PARD3: variants seen among roughly 807,000 people sequenced by gnomAD.
The protein encoded by PARD3 is par-3 family cell polarity regulator, also known as partitioning defective 3 homolog.
A neutral mutation model predicts 155.4 loss-of-function variants in PARD3; 75 were observed. The observed-to-expected ratio is 0.48, with a 90% CI of 0.40 to 0.58. The LOEUF (loss-of-function observed/expected upper bound fraction) is 0.58, where lower values mean the gene tolerates loss of function less well. Among genes scored for constraint, PARD3 ranks in the 20% least tolerant of loss-of-function variants. The probability of loss-of-function intolerance (pLI) is 0.00; values close to 1 mark genes in which losing one functional copy is unlikely to be tolerated. For synonymous variants in PARD3, 576 were observed against 610.5 expected, an observed-to-expected ratio of 0.94 and a Z score of 0.83; for missense variants, 1,642 against 1,721.7, an observed-to-expected ratio of 0.95 and a Z score of 0.82.
intron 1 of PARD3, among the ~76,000 whole-genome samples, chr10:34,718,147 CTCAAA>C (rs2094549012): frequency 1.0e-5 from 1 of 98,152 alleles, no homozygotes; most frequent in East Asian, 2.6e-4. Context: ...GAGACTCCAT[CTCAAA>C]AAAAAAAAAA....
chr10:34,385,399 G>A (rs1229273494), intron 7 of PARD3, among the ~76,000 whole-genome samples: 2 of 152,134 alleles, frequency 1.3e-5, no homozygotes, highest in Admixed American at 1.3e-4. Flanking sequence ...GCCTCCCAAA[G>A]TGCTGGGATT....
chr10:34,490,384 A>G (rs2079814356), intron 3 of PARD3, among the ~76,000 whole-genome samples: 1 of 151,902 alleles, frequency 6.6e-6, no homozygotes, highest in Admixed American at 6.5e-5. Flanking sequence ...AAGGAAGGGC[A>G]CATTACAGAG....
intron 19 of PARD3, among the ~76,000 whole-genome samples, chr10:34,328,573 G>A (rs74134103): frequency 0.021 from 3,212 of 152,270 alleles, 132 homozygotes; most frequent in African/African-American, 0.073. Flanking sequence ...GGGGGAAGGT[G>A]ACACTGGTGG....
At chr10:34,785,554 T>C (rs1001361970) in intron 1 of PARD3, among the ~76,000 whole-genome samples, 3 of 152,044 alleles carry the variant, frequency 2.0e-5, no homozygotes, top group Non-Finnish European at 4.4e-5. Flanking sequence ...GAGACCAGCC[T>C]GGGTAACACG....
In PARD3 at chr10:34,230,056, T is replaced by C. The variant is rs946029657; in HGVS notation, c.3419+39601A>G. On this transcript the variant is annotated intron_variant, in intron 22 of 24. Transcript: ENST00000374788. ...AATGAGGTGCGACAGAAAAGGCAAA[T>C]ACATTAGTGTCAAATATGAATAACC... 3.9e-5 allele frequency among the ~76,000 whole-genome samples: 6 copies of C among 152,124 alleles called. 1 individual carries two copies. Among genetic ancestry groups the C allele is most frequent in the Non-Finnish European group, 5.9e-5 (4 of 68,040 alleles).
intron 23 of PARD3, among the ~76,000 whole-genome samples, chr10:34,129,351 T>C (rs950116159): frequency 2.0e-5 from 3 of 151,864 alleles, no homozygotes; most frequent in African/African-American, 7.3e-5. Flanking sequence ...TGGGGTTTCA[T>C]CATGTTGTCC....
At chr10:34,427,061 T>C (rs2075647970) in intron 5 of PARD3, among the ~76,000 whole-genome samples, 1 of 152,222 alleles carries the variant, frequency 6.6e-6, no homozygotes, top group Non-Finnish European at 1.5e-5. Flanking sequence ...TGAGGATGTA[T>C]GTCGCCTCAG....
intron 5 of PARD3, among the ~76,000 whole-genome samples, chr10:34,418,797 G>T (rs1226464977): frequency 2.6e-5 from 4 of 152,060 alleles, no homozygotes; most frequent in Admixed American, 2.0e-4. Flanking sequence ...TGGAGACAGG[G>T]TCTTTCTCTG....
chr10:34,128,928 C>G (rs1947441661), intron 23 of PARD3, among the ~76,000 whole-genome samples: 1 of 152,036 alleles, frequency 6.6e-6, no homozygotes, highest in Non-Finnish European at 1.5e-5. Context: ...CTAGTAGGGT[C>G]AATGCAGGGA....
chr10:34,634,529 G>A (rs1353375509), intron 2 of PARD3, among the ~76,000 whole-genome samples: 2 of 152,088 alleles, frequency 1.3e-5, no homozygotes, highest in Non-Finnish European at 2.9e-5. Flanking sequence ...AACTAAACAA[G>A]AAATACTCAG....
chr10:34,457,194 T>C (rs763386826), intron 4 of PARD3, among the ~76,000 whole-genome samples: 20 of 152,296 alleles, frequency 1.3e-4, no homozygotes, highest in Admixed American at 5.2e-4. Flanking sequence ...GGATCCAATA[T>C]GAAAAAGGAT....
chr10:34,730,204 A>G (rs1318893569), intron 1 of PARD3, among the ~76,000 whole-genome samples: 2 of 152,212 alleles, frequency 1.3e-5, no homozygotes, highest in South Asian at 2.1e-4. Context: ...CAGCAACAAT[A>G]TATCACCAAA....
In PARD3 at chr10:34,478,731, C is replaced by T. The variant is rs757308766; in HGVS notation, c.404-8468G>A. On this transcript the variant is annotated intron_variant, in intron 3 of 24. Coordinates refer to ENST00000374788, the MANE Select transcript of PARD3 (RefSeq NM_001184785.2). ...GCTAATTTTGTATATTTAGTAGAGA[C>T]AGGTTTTCTCCATGTTGGTCAGGCT... 6.6e-5 allele frequency among the ~76,000 whole-genome samples: 10 copies of T among 152,120 alleles called. 1 individual carries two copies. The highest frequency in any genetic ancestry group is 1.2e-4 in the Non-Finnish European group (8 of 68,030).
intron 5 of PARD3, among the ~76,000 whole-genome samples, chr10:34,419,457 C>T (rs1262595327): frequency 6.6e-6 from 1 of 151,992 alleles, no homozygotes; most frequent in Admixed American, 6.6e-5. Flanking sequence ...GCGGAGGTTT[C>T]AGTGAGCAGA....
At position 34,586,986 on chromosome 10, in the gene PARD3, G is replaced by A. The variant is rs566504639; in HGVS notation, c.223-69827C>T. ...AGGCACTCATGTAGGGGTGATACGG[G>A]ACAAACTCATTTTTCTAGTCCAGTC... On this transcript the variant is annotated intron_variant, in intron 2 of 24. Transcript: ENST00000374788. Among the ~76,000 whole-genome samples, 65 of 152,238 alleles carry A rather than the reference G, an allele frequency of 4.3e-4. 1 individual carries two copies. Among genetic ancestry groups the A allele is most frequent in the African/African-American group, 1.4e-3 (60 of 41,548 alleles).
intron 22 of PARD3, among the ~76,000 whole-genome samples, chr10:34,187,999 C>CT (rs1950558249): frequency 6.6e-6 from 1 of 152,160 alleles, no homozygotes. Context: ...AATTAAAGTG[C>CT]TTTAGAACAC....
chr10:34,292,451 C>T (rs914671809), intron 20 of PARD3, among the ~76,000 whole-genome samples: 8 of 152,008 alleles, frequency 5.3e-5, no homozygotes, highest in Admixed American at 5.2e-4. Context: ...GCAGAAAGCT[C>T]CTATTTAGGC....
Position 34,401,830 on chromosome 10 carries a change from G to A in PARD3, c.802C>T (p.Leu268=), listed in dbSNP as rs1185507052. ...TGLEHIPNFS[L]DDMVKLVEVP... is the part of the protein sequence containing the mutation. ...TTGAAACCATCAGTAACTTACTCCAGAGAAAAGTTGGGTATATGCTCCAAA... is the reference window on the plus strand; with the variant it reads ...TTGAAACCATCAGTAACTTACTCCAAAGAAAAGTTGGGTATATGCTCCAAA... The change falls in exon 6 of 25, where the codon CTG becomes TTG. Residue 268 remains leucine, a synonymous_variant. Transcript: ENST00000374788. The A allele has an allele frequency of 6.2e-7, 1 of 1,607,476 alleles. No individual in the cohort carries two copies. Among genetic ancestry groups the A allele is most frequent in the Admixed American group, 1.7e-5 (1 of 59,970 alleles).
intron 3 of PARD3, among the ~76,000 whole-genome samples, chr10:34,475,742 T>G (rs1168645203): frequency 6.6e-6 from 1 of 152,220 alleles, no homozygotes; most frequent in South Asian, 2.1e-4. Context: ...GAAGCAGTCA[T>G]GCTCACAGTG....
Sources: allele counts gnomAD v4.1 joint callset (sites outside exome capture counted in the v4.1 genomes callset), GRCh38; gene constraint gnomAD v4.1.1; transcripts MANE v1.5; gene names NCBI Gene and HGNC (gene_info 2026-07-23, HGNC 2026-07-21).